Variants in PAM observed in about 807,000 individuals in gnomAD.
PAM encodes the protein peptidyl-glycine alpha-amidating monooxygenase.
In PAM, 72 loss-of-function variants were observed where a neutral mutation model predicts 122.1. The observed-to-expected ratio is 0.59, with a 90% confidence interval of 0.49 to 0.72. The LOEUF is 0.72. Ranked by LOEUF, PAM falls within the 30% of genes least tolerant of loss-of-function variation. The pLI is 0.00. For synonymous variants in PAM, 389 were observed against 404.4 expected, an observed-to-expected ratio of 0.96 and a Z score of 0.46; for missense variants, 1,106 against 1,183.7, an observed-to-expected ratio of 0.93 and a Z score of 0.96.
chr5:102,835,790 T>C (rs1002489864), intron 1 of PAM, among the ~76,000 whole-genome samples: 1 of 152,054 alleles, frequency 6.6e-6, no homozygotes, highest in African/African-American at 2.4e-5. Context: ...ATAAATAACA[T>C]TTATGTATGA....
At chr5:102,840,358 A>C (rs1473182350) in intron 1 of PAM, among the ~76,000 whole-genome samples, 1 of 152,140 alleles carries the variant, frequency 6.6e-6, no homozygotes, top group African/African-American at 2.4e-5. Context: ...TTGTCTTGTA[A>C]GCTTTGTGAC....
At chr5:102,755,177 A>C (rs1337382104), upstream of PAM, 1 of 152,042 alleles carries the variant, frequency 6.6e-6, no homozygotes, top group Non-Finnish European at 1.5e-5. Flanking sequence ...CGAGCGGCGG[A>C]CCCGGCTGGG....
intron 14 of PAM, 40 bp from the exon 15 acceptor site, chr5:102,974,076 T>C (rs1766778866): frequency 1.4e-6 from 2 of 1,434,286 alleles, no homozygotes; most frequent in Non-Finnish European, 1.9e-6. Context: ...TGCAATCTTA[T>C]CTACCCTCCA....
chr5:102,932,671 TA>T (rs1019986806), intron 7 of PAM, among the ~76,000 whole-genome samples: 1 of 149,892 alleles, frequency 6.7e-6, no homozygotes, highest in African/African-American at 2.4e-5. Context: ...ATATAAAAAA[TA>T]AAAAATAGAG....
At chr5:102,913,816 A>T in intron 4 of PAM, 118 bp from the exon 5 acceptor site, 1 of 631,086 alleles carries the variant, frequency 1.6e-6, no homozygotes, top group Admixed American at 2.6e-5. Context: ...TTTGATCACA[A>T]GAACATCAAA....
At chr5:102,850,083 T>C (rs1421435905) in intron 1 of PAM, among the ~76,000 whole-genome samples, 2 of 152,238 alleles carry the variant, frequency 1.3e-5, no homozygotes, top group Non-Finnish European at 2.9e-5. Context: ...AACTGTGTCA[T>C]GTATTTCTTT....
At chr5:102,812,796 T>C (rs1231035357) in intron 1 of PAM, among the ~76,000 whole-genome samples, 1 of 152,074 alleles carries the variant, frequency 6.6e-6, no homozygotes, top group Non-Finnish European at 1.5e-5. Flanking sequence ...GGCTCTTTTA[T>C]TTAATAAATA....
chr5:102,896,259 A>G (rs1401272558), intron 3 of PAM, among the ~76,000 whole-genome samples: 1 of 151,668 alleles, frequency 6.6e-6, no homozygotes, highest in Admixed American at 6.6e-5. Context: ...AGTCACTTCC[A>G]TTTGAACTAC....
rs149258370 is a variant in PAM, at chr5:102,823,280, A to G, written c.-373-42543A>G. Among the ~76,000 whole-genome samples the G allele has an allele frequency of 4.9e-4, 75 of 152,342 alleles. 1 individual carries two copies. Among genetic ancestry groups the G allele is most frequent in the African/African-American group, 1.6e-3 (68 of 41,574 alleles). The stretch of plus-strand genomic sequence containing the variant: ...AAAAGTTGTTACAGAATAGAGTAAA[A>G]TCACAATGTTTACTTAGCAACACTG... On this transcript the variant is annotated intron_variant, in intron 1 of 25. Transcript: ENST00000438793.
intron 7 of PAM, among the ~76,000 whole-genome samples, chr5:102,929,684 AG>A (rs1262482376): frequency 1.3e-5 from 2 of 152,302 alleles, no homozygotes; most frequent in Admixed American, 1.3e-4. Flanking sequence ...CCAGAAATGA[AG>A]GCAAAACATC....
chr5:102,923,862 ACT>A (rs1748349990), intron 5 of PAM, among the ~76,000 whole-genome samples: 2 of 152,020 alleles, frequency 1.3e-5, no homozygotes, highest in Admixed American at 1.3e-4. Flanking sequence ...ACCCTGCAAC[ACT>A]CTCTGTCAAC....
intron 7 of PAM, among the ~76,000 whole-genome samples, chr5:102,927,099 C>T (rs1156616886): frequency 6.6e-6 from 1 of 151,850 alleles, no homozygotes; most frequent in Non-Finnish European, 1.5e-5. Flanking sequence ...AGGCTCATGT[C>T]GATTCCTTAT....
intron 6 of PAM, among the ~76,000 whole-genome samples, chr5:102,925,373 A>C (rs922881820): frequency 3.3e-5 from 5 of 152,238 alleles, no homozygotes; most frequent in Non-Finnish European, 5.9e-5. Flanking sequence ...GGAATTAAAT[A>C]AACTGCTGTT....
At chr5:102,988,966 C>A (rs564220530) in intron 15 of PAM, among the ~76,000 whole-genome samples, 25 of 152,230 alleles carry the variant, frequency 1.6e-4, no homozygotes, top group African/African-American at 4.8e-4. Context: ...TTTCTCCCCC[C>A]AGTCTTTAAT....
At chr5:102,913,631 C>A (rs1044313625) in intron 4 of PAM, among the ~76,000 whole-genome samples, 3 of 151,962 alleles carry the variant, frequency 2.0e-5, no homozygotes, top group Non-Finnish European at 4.4e-5. Context: ...ACATAGCCTG[C>A]AGATTTCATT....
rs759560994 is a variant in PAM at position 103,019,802 on chromosome 5, G to A, written c.2444G>A (p.Arg815Gln). 4 of 1,606,410 alleles carry A rather than the reference G, an allele frequency of 2.5e-6. No individual in the cohort carries two copies. Among genetic ancestry groups the A allele is most frequent in the East Asian group, 2.2e-5 (1 of 44,766 alleles). Residue 815 changes from arginine to glutamine, a missense_variant, in exon 23 of 26, where the codon CGA (arginine) becomes CAA (glutamine). Arg to Gln is a conservative substitution (Grantham distance 43). Coordinates refer to ENST00000438793, the MANE Select transcript of PAM (RefSeq NM_001177306.2). The part of the protein sequence containing the change: ...KFTLTEKLEH[R>Q]SVKKAGIEVQ... ...TGTGTTGTTACAGAATTGGAACATCGATCAGTTAAAAAGGCTGGCATTGAG... is the reference window on the plus strand; with the variant it reads ...TGTGTTGTTACAGAATTGGAACATCAATCAGTTAAAAAGGCTGGCATTGAG...
At chr5:102,774,309 T>C (rs1169019354) in intron 1 of PAM, among the ~76,000 whole-genome samples, 1 of 152,110 alleles carries the variant, frequency 6.6e-6, no homozygotes, top group Non-Finnish European at 1.5e-5. Flanking sequence ...ATTTCCACAA[T>C]GGTTGAACTA....
At chr5:103,018,083 AT>A (rs1040642974) in intron 22 of PAM, among the ~76,000 whole-genome samples, 1 of 152,162 alleles carries the variant, frequency 6.6e-6, no homozygotes, top group Non-Finnish European at 1.5e-5. Context: ...AAACAAATAA[AT>A]TTTTTAAATT....
At chr5:102,978,172 G>A (rs1218607939) in intron 15 of PAM, among the ~76,000 whole-genome samples, 1 of 152,138 alleles carries the variant, frequency 6.6e-6, no homozygotes, top group Non-Finnish European at 1.5e-5. Flanking sequence ...CAGGAAAGCA[G>A]CAAAATTTGG....
Sources: gnomAD v4.1 joint callset for allele counts (sites outside exome capture counted in the v4.1 genomes callset) on GRCh38, gnomAD v4.1.1 for gene constraint, MANE v1.5 for transcripts, NCBI Gene and HGNC (gene_info 2026-07-23, HGNC 2026-07-21) for gene names.